Variants in KAZN observed in about 807,000 individuals in gnomAD.
KAZN encodes kazrin.
Under a neutral mutation model 87.4 loss-of-function variants are expected in KAZN, and 40 were observed. The observed-to-expected ratio is 0.46, with a 90% CI of 0.36 to 0.60. The LOEUF (loss-of-function observed/expected upper bound fraction) is 0.60, where lower values mean the gene tolerates loss of function less well. KAZN is among the 20% of genes least tolerant of loss of function. The pLI, the probability that KAZN is intolerant of heterozygous loss-of-function variation, is 0.00. For synonymous variants in KAZN, 466 were observed against 458.3 expected (o/e 1.02, Z -0.22); for missense variants, 898 against 1,073.9 (o/e 0.84, Z 2.29).
chr1:13,974,913 C>CT (rs939048048), intron 1 of KAZN, among the ~76,000 whole-genome samples: 9 of 152,176 alleles, frequency 5.9e-5, no homozygotes, highest in African/African-American at 1.9e-4. Context: ...TTTGTTAACT[C>CT]TTTTTTATAT....
intron 1 of KAZN, among the ~76,000 whole-genome samples, chr1:14,736,280 T>C (rs1192495632): frequency 6.8e-6 from 1 of 146,222 alleles, no homozygotes; most frequent in East Asian, 2.0e-4. Context: ...TGTGTGTGTG[T>C]GTGTGTGTGT....
intron 2 of KAZN, among the ~76,000 whole-genome samples, chr1:14,418,031 A>C (rs1420300417): frequency 6.8e-5 from 9 of 132,946 alleles, no homozygotes; most frequent in East Asian, 2.1e-4. Flanking sequence ...AAAAAAAAAA[A>C]AAAAAAAAAA....
At chr1:14,467,073 ATTCC>A (rs1668199119) in intron 2 of KAZN, among the ~76,000 whole-genome samples, 1 of 152,178 alleles carries the variant, frequency 6.6e-6, no homozygotes. Context: ...TATTTTTGTA[ATTCC>A]TTCTATCTGA....
At chr1:13,979,087 T>A (rs1638526037) in intron 1 of KAZN, among the ~76,000 whole-genome samples, 1 of 146,766 alleles carries the variant, frequency 6.8e-6, no homozygotes, top group Non-Finnish European at 1.5e-5. Context: ...CAGAGTGAAA[T>A]CCAGTCTCAA....
intron 1 of KAZN, among the ~76,000 whole-genome samples, chr1:14,897,396 C>T (rs1655389672): frequency 6.6e-6 from 1 of 152,162 alleles, no homozygotes; most frequent in Non-Finnish European, 1.5e-5. Flanking sequence ...TGGCTTAAAC[C>T]AGCAGTTCTC....
intron 1 of KAZN, chr1:13,893,862 C>A: frequency 7.7e-7 from 1 of 1,305,174 alleles, no homozygotes; most frequent in Non-Finnish European, 1.0e-6. Context: ...TGTCAGTCTA[C>A]CTCATCTCTT....
intron 1 of KAZN, among the ~76,000 whole-genome samples, chr1:14,608,644 G>A (rs922515663): frequency 6.6e-6 from 1 of 152,190 alleles, no homozygotes; most frequent in Non-Finnish European, 1.5e-5. Context: ...GAAGGAAGAT[G>A]TGGATGATAC....
chr1:14,833,283 A>G (rs1351439607), intron 1 of KAZN, among the ~76,000 whole-genome samples: 1 of 152,148 alleles, frequency 6.6e-6, no homozygotes, highest in Non-Finnish European at 1.5e-5. Context: ...ATGAGTGTCC[A>G]TGCCCCCCCA....
chr1:14,706,526 T>G (rs1436073003), intron 1 of KAZN, among the ~76,000 whole-genome samples: 1 of 152,192 alleles, frequency 6.6e-6, no homozygotes, highest in East Asian at 1.9e-4. Context: ...ATGATGGATA[T>G]GCTAATTACT....
In KAZN at chr1:14,836,957, T is replaced by G. The variant is rs570909603; in HGVS notation, c.227-123727T>G. On this transcript the variant is annotated intron_variant, in intron 1 of 14. Coordinates refer to ENST00000376030, the MANE Select transcript of KAZN (RefSeq NM_201628.3). Reference sequence around the variant, plus strand: ...TCCCGTCCACTCCTCCGCCCCCAGGTAACCGCCTTCCTGAATTCTGTCTTT... The same window carrying G: ...TCCCGTCCACTCCTCCGCCCCCAGGGAACCGCCTTCCTGAATTCTGTCTTT... Among the ~76,000 whole-genome samples the G allele has an allele frequency of 1.8e-4, 28 of 152,256 alleles. No individual in the cohort carries two copies. The South Asian group carries it at 5.4e-3, about 29-fold the overall frequency.
intron 1 of KAZN, among the ~76,000 whole-genome samples, chr1:14,681,292 G>T (rs965187509): frequency 1.3e-5 from 2 of 152,146 alleles, no homozygotes; most frequent in African/African-American, 2.4e-5. Context: ...CACTTGGATT[G>T]TTTCCAGTTT....
At chr1:14,405,272 G>GT (rs1158578561) in intron 2 of KAZN, among the ~76,000 whole-genome samples, 1 of 152,212 alleles carries the variant, frequency 6.6e-6, no homozygotes, top group Non-Finnish European at 1.5e-5. Context: ...GTATGAGCCT[G>GT]TTTGAGTTCA....
chr1:14,606,959 A>G (rs757583666), intron 1 of KAZN, among the ~76,000 whole-genome samples: 7 of 152,110 alleles, frequency 4.6e-5, no homozygotes, highest in Non-Finnish European at 8.8e-5. Flanking sequence ...GGAGACTTCA[A>G]TTGTTAGTCT....
intron 1 of KAZN, among the ~76,000 whole-genome samples, chr1:13,991,132 C>T (rs906004630): frequency 1.3e-5 from 2 of 152,000 alleles, no homozygotes; most frequent in African/African-American, 4.8e-5. Context: ...ACAGCCAGCT[C>T]TTGGTGGGAG....
At chr1:14,718,071 C>T (rs1572304050) in intron 1 of KAZN, among the ~76,000 whole-genome samples, 1 of 152,368 alleles carries the variant, frequency 6.6e-6, no homozygotes, top group South Asian at 2.1e-4. Flanking sequence ...GCATTGGCTG[C>T]TGGTCACCAG....
chr1:14,576,667 G>A (rs1381928931), intron 2 of KAZN, among the ~76,000 whole-genome samples: 1 of 152,194 alleles, frequency 6.6e-6, no homozygotes, highest in Non-Finnish European at 1.5e-5. Context: ...TGCTGCCATT[G>A]AACGCTAAAG....
chr1:13,981,132 A>G (rs1238589707), intron 1 of KAZN, among the ~76,000 whole-genome samples: 4 of 26,240 alleles, frequency 1.5e-4, no homozygotes, highest in African/African-American at 6.1e-4. Context: ...CACAGATTAT[A>G]TATAGTACAA....
At chr1:14,958,010 G>T (rs1028243549) in intron 1 of KAZN, among the ~76,000 whole-genome samples, 6 of 152,184 alleles carry the variant, frequency 3.9e-5, no homozygotes, top group African/African-American at 1.2e-4. Flanking sequence ...AGATGGATGA[G>T]GGAACAGGGG....
At chr1:14,655,483 A>G (rs1638734068) in intron 1 of KAZN, among the ~76,000 whole-genome samples, 1 of 152,160 alleles carries the variant, frequency 6.6e-6, no homozygotes, top group Non-Finnish European at 1.5e-5. Flanking sequence ...ATTACAGTGA[A>G]TTAGTGAAAT....
Sources: allele counts gnomAD v4.1 joint callset (sites outside exome capture counted in the v4.1 genomes callset), GRCh38; gene constraint gnomAD v4.1.1; transcripts MANE v1.5; gene names NCBI Gene and HGNC (gene_info 2026-07-23, HGNC 2026-07-21).